Variants in ZNF536 observed in about 807,000 individuals in gnomAD.
The protein encoded by ZNF536 is zinc finger protein 536.
Under a neutral mutation model 84.5 loss-of-function variants are expected in ZNF536, and 13 were observed. That is an observed-to-expected ratio of 0.15 (90% CI 0.10 to 0.24). ZNF536 has a LOEUF of 0.24. ZNF536 is among the 10% of genes least tolerant of loss of function. The probability of loss-of-function intolerance (pLI) is 1.00; values close to 1 mark genes in which losing one functional copy is unlikely to be tolerated. For synonymous variants in ZNF536, 811 were observed against 742.5 expected (o/e 1.09, Z -1.50); for missense variants, 1,536 against 1,747.5 (o/e 0.88, Z 2.16).
chr19:30,475,612 C>A (rs183697095), intron 2 of ZNF536, among the ~76,000 whole-genome samples: 1 of 152,284 alleles, frequency 6.6e-6, no homozygotes, highest in East Asian at 1.9e-4. Flanking sequence ...TTGTCTGTGT[C>A]TTGGAGCAGG....
intron 1 of ZNF536, among the ~76,000 whole-genome samples, chr19:30,583,350 G>A (rs1418962580): frequency 3.3e-5 from 5 of 152,228 alleles, no homozygotes; most frequent in Non-Finnish European, 7.3e-5. Flanking sequence ...GAGATGCCCC[G>A]GGTGGCTCCA....
chr19:30,654,386 AC>A (rs1309080484), intron 1 of ZNF536, among the ~76,000 whole-genome samples: 1 of 144,462 alleles, frequency 6.9e-6, no homozygotes, highest in Non-Finnish European at 1.5e-5. Context: ...ACTCCTCACC[AC>A]CCCCCTTATT....
intron 1 of ZNF536, among the ~76,000 whole-genome samples, chr19:30,582,301 G>A (rs1000465047): frequency 2.0e-5 from 3 of 150,528 alleles, no homozygotes; most frequent in African/African-American, 7.3e-5. Flanking sequence ...TCACACAGTT[G>A]AAAACAATTC....
At chr19:30,264,609 G>A (rs1047241436) in intron 1 of ZNF536, among the ~76,000 whole-genome samples, 20 of 152,008 alleles carry the variant, frequency 1.3e-4, no homozygotes, top group African/African-American at 4.1e-4. Flanking sequence ...TTGAAGCCAA[G>A]GCTATTTTAA....
intron 1 of ZNF536, among the ~76,000 whole-genome samples, chr19:30,637,171 A>G (rs2049097762): frequency 6.6e-6 from 1 of 152,208 alleles, no homozygotes; most frequent in South Asian, 2.1e-4. Context: ...ACTGACCCAC[A>G]TCTGGACCTT....
chr19:30,300,294 C>T (rs1434348276), intron 2 of ZNF536: 1 of 152,106 alleles, frequency 6.6e-6, no homozygotes, highest in Non-Finnish European at 1.5e-5. Flanking sequence ...CGTTTCATGC[C>T]ACATTTAATT....
chr19:30,399,686 T>TTG (rs2049967394), intron 1 of ZNF536, among the ~76,000 whole-genome samples: 3 of 149,946 alleles, frequency 2.0e-5, no homozygotes, highest in South Asian at 2.2e-4. Flanking sequence ...AATGTTTTTT[T>TTG]TTTTTTTTTT....
At chr19:30,488,375 C>T (rs2054376782) in intron 2 of ZNF536, among the ~76,000 whole-genome samples, 1 of 152,136 alleles carries the variant, frequency 6.6e-6, no homozygotes, top group African/African-American at 2.4e-5. Flanking sequence ...GTGCCCGTTG[C>T]ACCCTGCTAC....
chr19:30,354,522 T>G (rs909707759), intron 3 of ZNF536, among the ~76,000 whole-genome samples: 2 of 152,144 alleles, frequency 1.3e-5, no homozygotes, highest in African/African-American at 4.8e-5. Context: ...CGTGATCTAC[T>G]ACACCTGATC....
rs542856329 is a variant in ZNF536 at position 30,233,872 on chromosome 19, C to T, written c.-190+5199C>T. Among the ~76,000 whole-genome samples, 198 of 152,234 alleles carry T rather than the reference C, an allele frequency of 1.3e-3. 1 individual carries two copies. Among genetic ancestry groups the T allele is most frequent in the Admixed American group, 2.1e-3 (32 of 15,290 alleles). Reference sequence around the variant, plus strand: ...TCTCCCGTGACCCACGTTCAGCTGCCCTTTCTGGGGCCAGATTTACAGCAG... The same window carrying T: ...TCTCCCGTGACCCACGTTCAGCTGCTCTTTCTGGGGCCAGATTTACAGCAG... On this transcript the variant is annotated intron_variant, in intron 1 of 5. Transcript: ENST00000585628.
chr19:30,279,186 C>T (rs2045348043), intron 1 of ZNF536, among the ~76,000 whole-genome samples: 1 of 152,242 alleles, frequency 6.6e-6, no homozygotes, highest in Non-Finnish European at 1.5e-5. Context: ...GTCACTGTCA[C>T]TTCCTCCAGC....
chr19:30,402,763 T>G (rs2050095747), intron 1 of ZNF536, among the ~76,000 whole-genome samples: 1 of 142,684 alleles, frequency 7.0e-6, no homozygotes, highest in African/African-American at 2.5e-5. Context: ...ACATGTGTGT[T>G]GCTTGCTTTT....
chr19:30,242,613 G>A (rs1285889083), intron 1 of ZNF536, among the ~76,000 whole-genome samples: 1 of 152,136 alleles, frequency 6.6e-6, no homozygotes, highest in African/African-American at 2.4e-5. Flanking sequence ...ACTTTACTTA[G>A]GACCTGACCC....
chr19:30,244,929 A>G (rs1222338732), intron 1 of ZNF536, among the ~76,000 whole-genome samples: 2 of 152,220 alleles, frequency 1.3e-5, no homozygotes, highest in Admixed American at 1.3e-4. Context: ...AATTGAGGCC[A>G]CTGTCCTGGC....
chr19:30,394,104 C>T (rs192648737), intron 1 of ZNF536, among the ~76,000 whole-genome samples: 65 of 152,278 alleles, frequency 4.3e-4, no homozygotes, highest in Non-Finnish European at 8.8e-5. Context: ...GATCAGTGAG[C>T]AAGCCTCAGT....
intron 2 of ZNF536, among the ~76,000 whole-genome samples, chr19:30,484,977 A>T (rs918506054): frequency 6.6e-6 from 1 of 151,882 alleles, no homozygotes; most frequent in Non-Finnish European, 1.5e-5. Flanking sequence ...CCCCGTCTCT[A>T]CTAAAAAATA....
chr19:30,656,552 G>A (rs974452698), intron 1 of ZNF536, among the ~76,000 whole-genome samples: 9 of 152,264 alleles, frequency 5.9e-5, no homozygotes, highest in South Asian at 2.1e-4. Flanking sequence ...GTGTACAACC[G>A]GAGCAGTGAG....
At chr19:30,467,512 C>T (rs1176304416) in intron 2 of ZNF536, among the ~76,000 whole-genome samples, 1 of 152,180 alleles carries the variant, frequency 6.6e-6, no homozygotes, top group South Asian at 2.1e-4. Flanking sequence ...TTATCCAATT[C>T]ATCTGCTGAT....
intron 1 of ZNF536, among the ~76,000 whole-genome samples, chr19:30,660,705 C>T (rs1037192761): frequency 6.6e-6 from 1 of 152,160 alleles, no homozygotes; most frequent in African/African-American, 2.4e-5. Context: ...TTAAAAGGTT[C>T]CTATCGATTG....
Sources: allele counts gnomAD v4.1 joint callset (sites outside exome capture counted in the v4.1 genomes callset), GRCh38; gene constraint gnomAD v4.1.1; transcripts MANE v1.5; gene names NCBI Gene and HGNC (gene_info 2026-07-23, HGNC 2026-07-21).